PARN: variants seen among roughly 807,000 people sequenced by gnomAD.
PARN encodes the protein poly(A)-specific ribonuclease.
In PARN, 71 loss-of-function variants were observed where a neutral mutation model predicts 102.8. The observed-to-expected ratio is 0.69, with a 90% confidence interval of 0.57 to 0.84. The LOEUF (loss-of-function observed/expected upper bound fraction) is 0.84. Ranked by LOEUF, PARN falls within the 40% of genes least tolerant of loss-of-function variation. The pLI is 0.00. For missense variants in PARN, 782 were observed against 760.9 expected (o/e 1.03, Z -0.33); for synonymous variants, 261 against 252.9 (o/e 1.03, Z -0.30).
chr16:14,628,625 C>G (rs1334341530), intron 2 of PARN, among the ~76,000 whole-genome samples: 2 of 152,266 alleles, frequency 1.3e-5, no homozygotes, highest in South Asian at 4.1e-4. Context: ...CAGTCTTGGT[C>G]AAGAGTTTGG....
intron 18 of PARN, among the ~76,000 whole-genome samples, chr16:14,557,693 G>A (rs1188638915): frequency 1.3e-5 from 2 of 151,980 alleles, no homozygotes; most frequent in African/African-American, 2.4e-5. Flanking sequence ...TTTGTTGTCT[G>A]GCCTACAATT....
intron 21 of PARN, among the ~76,000 whole-genome samples, chr16:14,544,213 A>G (rs1966860371): frequency 6.6e-6 from 1 of 152,070 alleles, no homozygotes. Flanking sequence ...AACCAAAACC[A>G]AGCTATACAC....
intron 22 of PARN, among the ~76,000 whole-genome samples, chr16:14,465,595 T>A (rs185536091): frequency 7.2e-5 from 11 of 152,304 alleles, no homozygotes; most frequent in Non-Finnish European, 1.3e-4. Context: ...AAAGAAAATA[T>A]TATATATCCT....
intron 21 of PARN, among the ~76,000 whole-genome samples, chr16:14,502,870 AC>A (rs1964693947): frequency 1.3e-5 from 2 of 152,224 alleles, no homozygotes; most frequent in Admixed American, 1.3e-4. Context: ...ACTACAAGCC[AC>A]TGAAGAACCA....
intron 13 of PARN, among the ~76,000 whole-genome samples, chr16:14,589,241 C>T (rs572376172): frequency 4.6e-4 from 70 of 152,054 alleles, no homozygotes; most frequent in Non-Finnish European, 6.9e-4. Context: ...AGAGGAGCTG[C>T]TACTTTGATC....
rs897222367 is a variant in PARN at position 14,438,445 on chromosome 16, G to A, written c.1865-1673C>T. Among the ~76,000 whole-genome samples the A allele has an allele frequency of 2.7e-5, 4 of 150,686 alleles. No individual in the cohort carries two copies. The South Asian group carries it at 6.3e-4, about 24-fold the overall frequency. Reference sequence around the variant, plus strand: ...CAATCTGCACCTGCCATTAGTTGGGGGGGGGGGTGTGTGAGTGCACAGTGA... The same window carrying A: ...CAATCTGCACCTGCCATTAGTTGGGAGGGGGGGTGTGTGAGTGCACAGTGA... On this transcript the variant is annotated intron_variant, in intron 23 of 23. Coordinates refer to ENST00000437198, the MANE Select transcript of PARN (RefSeq NM_002582.4).
intron 21 of PARN, among the ~76,000 whole-genome samples, chr16:14,501,271 AAAACAAAAAAC>A (rs1485702613): frequency 7.0e-6 from 1 of 142,182 alleles, no homozygotes; most frequent in Non-Finnish European, 1.5e-5. Flanking sequence ...TTTACAAAAA[AAAACAAAAAAC>A]AAACAAAAAA....
intron 11 of PARN, among the ~76,000 whole-genome samples, chr16:14,601,628 AT>A (rs1284644813): frequency 1.3e-5 from 2 of 152,028 alleles, no homozygotes; most frequent in Non-Finnish European, 2.9e-5. Context: ...CACAATTAAA[AT>A]TTTTTTGGGG....
chr16:14,543,986 G>C (rs909345356), intron 21 of PARN, among the ~76,000 whole-genome samples: 1 of 152,128 alleles, frequency 6.6e-6, no homozygotes, highest in Non-Finnish European at 1.5e-5. Context: ...CCTGAGGTCG[G>C]GAGTTCAAGA....
chr16:14,536,615 A>C (rs1004546088), intron 21 of PARN, among the ~76,000 whole-genome samples: 4 of 152,208 alleles, frequency 2.6e-5, no homozygotes, highest in African/African-American at 4.8e-5. Flanking sequence ...TACACAATTG[A>C]AAGGTAAATC....
At chr16:14,486,746 C>A (rs1195883023) in intron 21 of PARN, among the ~76,000 whole-genome samples, 3 of 152,234 alleles carry the variant, frequency 2.0e-5, no homozygotes, top group Non-Finnish European at 4.4e-5. Flanking sequence ...CAAAGCCACG[C>A]CTCTAATGGA....
At chr16:14,484,369 G>T (rs140490950) in intron 21 of PARN, among the ~76,000 whole-genome samples, 1 of 152,150 alleles carries the variant, frequency 6.6e-6, no homozygotes, top group South Asian at 2.1e-4. Context: ...AGGCATATGC[G>T]TTCCTAGCCC....
intron 5 of PARN, among the ~76,000 whole-genome samples, chr16:14,620,850 TAC>T (rs535734720): frequency 9.9e-4 from 151 of 152,356 alleles, no homozygotes; most frequent in African/African-American, 3.5e-3. Context: ...ACAAACAAAT[TAC>T]ACTTTCTTTG....
chr16:14,630,206 T>C lies in PARN; in HGVS notation c.-81A>G, dbSNP rs531232341. The C allele has an allele frequency of 2.0e-4, 257 of 1,287,236 alleles. 1 individual carries two copies. The African/African-American group carries it at 3.3e-3, about 17-fold the overall frequency. The allele number at this position is 1,287,236 out of a possible 1,614,324, so 79.7% of individuals were successfully genotyped here. A position where few individuals can be genotyped will look rare whatever the true frequency, so the allele number is the denominator to read the frequency against. On this transcript the variant is annotated 5_prime_UTR_variant, in exon 1 of 24. Coordinates refer to ENST00000437198, the MANE Select transcript of PARN (RefSeq NM_002582.4). ...TCTACTCGCCGAATTCCGCGGCGAC[T>C]GCGGCAGTAGCTGAGGCAGCCGCAG...
chr16:14,569,022 G>A (rs1968617271), intron 18 of PARN, among the ~76,000 whole-genome samples: 1 of 151,736 alleles, frequency 6.6e-6, no homozygotes, highest in Admixed American at 6.6e-5. Context: ...GACCAGCCTG[G>A]CCAACATGGT....
chr16:14,456,275 T>C (rs1961674743), intron 22 of PARN, among the ~76,000 whole-genome samples: 1 of 151,970 alleles, frequency 6.6e-6, no homozygotes, highest in East Asian at 1.9e-4. Flanking sequence ...GTTCAAGCGA[T>C]CCTCCTACCT....
chr16:14,603,803 G>A (rs749215741), intron 11 of PARN, among the ~76,000 whole-genome samples: 7 of 152,166 alleles, frequency 4.6e-5, no homozygotes, highest in Non-Finnish European at 8.8e-5. Flanking sequence ...CTCTGAACTT[G>A]GTTTAAGGAA....
intron 5 of PARN, among the ~76,000 whole-genome samples, chr16:14,622,318 C>CA (rs544512922): frequency 1.5e-3 from 230 of 152,256 alleles, no homozygotes; most frequent in African/African-American, 5.4e-3. Flanking sequence ...ATCTACAATA[C>CA]AAAAAAATTC....
Position 14,630,165 on chromosome 16 carries a change from C to T in PARN, c.-40G>A. 1 of 1,540,032 alleles carries T rather than the reference C, an allele frequency of 6.5e-7. No individual in the cohort carries two copies. The highest frequency in any genetic ancestry group is 8.8e-7 in the Non-Finnish European group (1 of 1,137,694). On this transcript the variant is annotated 5_prime_UTR_variant, in exon 1 of 24. Transcript: ENST00000437198. ...GGAACCTTGGCCCCACCCGGGCCCG[C>T]GCCCGCCTCAGCGGTTCTACTCGCC... is the stretch of plus-strand genomic sequence containing the variant.
Sources: gnomAD v4.1 joint callset for allele counts (sites outside exome capture counted in the v4.1 genomes callset) on GRCh38, gnomAD v4.1.1 for gene constraint, MANE v1.5 for transcripts, NCBI Gene and HGNC (gene_info 2026-07-23, HGNC 2026-07-21) for gene names.